The following DDR1 variants were observed in gnomAD, a reference collection of about 807,000 sequenced individuals.
DDR1 encodes discoidin domain receptor tyrosine kinase 1.
DDR1 carries 64 observed loss-of-function variants against 97.4 expected under a neutral mutation model. The ratio of observed to expected loss-of-function variants is 0.66; its 90% CI spans 0.54 to 0.81. DDR1 has a LOEUF of 0.81. DDR1 is among the 30% of genes least tolerant of loss of function. The pLI, the probability that DDR1 is intolerant of heterozygous loss-of-function variation, is 0.00. For synonymous variants in DDR1, 458 were observed against 503.7 expected (o/e 0.91, Z 1.21); for missense variants, 990 against 1,259.6 (o/e 0.79, Z 3.24).
rs1788611714 is a variant in DDR1 at position 30,892,079 on chromosome 6, GGGTCTGGCCA to G, written c.746_755del (p.Val249AlafsTer26). 1 of 1,614,194 alleles carries G rather than the reference GGGTCTGGCCA, an allele frequency of 6.2e-7. No homozygotes were observed. Among genetic ancestry groups the G allele is most frequent in the African/African-American group, 1.3e-5 (1 of 75,050 alleles). On this transcript the variant is annotated frameshift_variant, in exon 7 of 18. Coordinates refer to ENST00000376568, the MANE Select transcript of DDR1 (RefSeq NM_001297654.2). LOFTEE classifies it high-confidence loss of function. ...GACTTTAGGAAGAGTCAGGAGCTGC[GGGTCTGGCCA>G]GGCTATGACTATGTGGGATGGAGCA...
intron 1 of DDR1, among the ~76,000 whole-genome samples, chr6:30,887,365 A>G (rs1369182813): frequency 6.6e-6 from 1 of 152,264 alleles, no homozygotes; most frequent in Non-Finnish European, 1.5e-5. Context: ...GAAAAATAGT[A>G]CAATCAACCT....
chr6:30,898,091 T>C lies in DDR1; in HGVS notation c.2235T>C (p.His745=), dbSNP rs1243319489. ...TTCTCAGCTACCCAATGCTGCTGCA[T>C]GTGGCAGCCCAGATCGCCTCCGGCA... ...GPTISYPMLL[H]VAAQIASGMR... The change falls in exon 16 of 18, where the codon CAT becomes CAC. Residue 745 remains histidine, a synonymous_variant. Coordinates refer to ENST00000376568, the MANE Select transcript of DDR1 (RefSeq NM_001297654.2). The C allele has an allele frequency of 1.2e-6, 2 of 1,614,102 alleles. No individual in the cohort carries two copies. Among genetic ancestry groups the C allele is most frequent in the South Asian group, 2.2e-5 (2 of 91,084 alleles).
intron 1 of DDR1, chr6:30,887,104 CTA>C (rs1786130116): frequency 6.6e-6 from 1 of 152,096 alleles, no homozygotes; most frequent in South Asian, 2.1e-4. Context: ...GCCTAGAGGG[CTA>C]TAGGGGACAG....
At chr6:30,885,924 C>A in intron 1 of DDR1, 1 of 862,548 alleles carries the variant, frequency 1.2e-6, no homozygotes, top group Non-Finnish European at 1.7e-6. Context: ...GGTGGCCTGG[C>A]CCCTGGTTTG....
Position 30,897,261 on chromosome 6 carries a change from A to T in DDR1, c.1998-118A>T. The T allele has an allele frequency of 8.3e-7, 1 of 1,210,246 alleles. No individual in the cohort carries two copies. The highest frequency in any genetic ancestry group is 1.1e-6 in the Non-Finnish European group (1 of 918,450). The allele number at this position is 1,210,246 out of a possible 1,614,324, so 75.0% of individuals were successfully genotyped here. A position where few individuals can be genotyped will look rare whatever the true frequency, so the allele number is the denominator to read the frequency against. ...GTGGCATCTCTGGGAGGGGATTTACATGTACGCTGGGGGTGGGGACGCCTG... is the reference window on the plus strand; with the variant it reads ...GTGGCATCTCTGGGAGGGGATTTACTTGTACGCTGGGGGTGGGGACGCCTG... On this transcript the variant is annotated intron_variant, in intron 14 of 17. Transcript: ENST00000376568. This position sits in a 1 kb window ranked among gnomAD's most constrained non-coding sequence, Gnocchi z 5.2.
chr6:30,892,712 G>A (rs1352732851), intron 8 of DDR1, 170 bp downstream of exon 8: 10 of 816,900 alleles, frequency 1.2e-5, no homozygotes, highest in Non-Finnish European at 1.8e-5. Context: ...TCTGCCTCTT[G>A]TTCTCTGCGT....
Position 30,898,976 on chromosome 6 carries a change from A to G in DDR1, c.2540A>G (p.Gln847Arg), listed in dbSNP as rs771959037. The change falls in exon 17 of 18, where the codon CAG (glutamine) becomes CGG (arginine). Residue 847 changes from glutamine (Q) to arginine (R), a missense_variant. Gln to Arg is a conservative substitution (Grantham distance 43). Transcript: ENST00000376568. ...CTCTGTAGGGCCCAGCCCTTTGGGC[A>G]GCTCACCGACGAGCAGGTCATCGAG... ...LMLCRAQPFG[Q>R]LTDEQVIENA... The G allele has an allele frequency of 1.9e-6, 3 of 1,614,164 alleles. No individual in the cohort carries two copies. The highest frequency in any genetic ancestry group is 2.5e-6 in the Non-Finnish European group (3 of 1,180,020).
At chr6:30,895,169 A>G (rs1790252221) in intron 11 of DDR1, among the ~76,000 whole-genome samples, 2 of 152,016 alleles carry the variant, frequency 1.3e-5, no homozygotes, top group Non-Finnish European at 1.5e-5. Context: ...TCTGTTATCC[A>G]TCCATCCAAC....
Position 30,891,759 on chromosome 6 carries a change from A to G in DDR1, c.666-243A>G, listed in dbSNP as rs932108972. Reference sequence around the variant, plus strand: ...ATAAATATACACATCATAGATTGAAATGGTGCCCCTTAGAGGTGGTGCCTT... The same window carrying G: ...ATAAATATACACATCATAGATTGAAGTGGTGCCCCTTAGAGGTGGTGCCTT... On this transcript the variant is annotated intron_variant, in intron 6 of 17. Transcript: ENST00000376568. This position sits in a 1 kb window ranked among gnomAD's most constrained non-coding sequence, Gnocchi z 5.3. 6.6e-6 allele frequency among the ~76,000 whole-genome samples: 1 copy of G among 152,112 alleles called. No homozygotes were observed. The highest frequency in any genetic ancestry group is 1.5e-5 in the Non-Finnish European group (1 of 68,024).
At chr6:30,892,631 C>T in intron 8 of DDR1, 89 bp downstream of exon 8, 14 of 1,472,296 alleles carry the variant, frequency 9.5e-6, no homozygotes, top group Non-Finnish European at 1.3e-5. Context: ...ATACTCATTC[C>T]TTGCATTATA....
In DDR1 at chr6:30,897,337, C is replaced by T. The variant is rs372337011; in HGVS notation, c.1998-42C>T. On this transcript the variant is annotated intron_variant, in intron 14 of 17. Transcript: ENST00000376568. This position sits in a 1 kb window ranked among gnomAD's most constrained non-coding sequence, Gnocchi z 5.2. ...TGGGGGCGCGGGGGAAGGTGCAGGCCGCCCACTCGGCATTCCTCTTCAGCT... is the reference window on the plus strand; with the variant it reads ...TGGGGGCGCGGGGGAAGGTGCAGGCTGCCCACTCGGCATTCCTCTTCAGCT... 2.0e-5 allele frequency: 32 copies of T among 1,599,352 alleles called. No individual in the cohort carries two copies. Among genetic ancestry groups the T allele is most frequent in the African/African-American group, 6.7e-5 (5 of 74,590 alleles).
chr6:30,892,808 C>G (rs924502932), intron 8 of DDR1: 2 of 585,540 alleles, frequency 3.4e-6, no homozygotes, highest in African/African-American at 3.7e-5. Context: ...TGAAATACTT[C>G]TGTATTAGTT....
intron 16 of DDR1, 151 bp from the exon 17 acceptor site, chr6:30,898,737 G>A (rs949819387): frequency 3.7e-6 from 3 of 803,846 alleles, no homozygotes; most frequent in Non-Finnish European, 2.0e-6. Flanking sequence ...GTTGGAAAAG[G>A]TGGCCAGCGG....
intron 1 of DDR1, chr6:30,885,641 A>G: frequency 1.5e-6 from 2 of 1,349,438 alleles, no homozygotes; most frequent in Non-Finnish European, 1.9e-6. Flanking sequence ...GAAGGTGGCT[A>G]TTCACTGAGC....
rs1482558394 is a variant in DDR1 at position 30,890,432 on chromosome 6, TAGAG to T, written c.418-538_418-535del. On this transcript the variant is annotated intron_variant, in intron 4 of 17. Transcript: ENST00000376568. The surrounding 1 kb of genome is among the most constrained non-coding windows in gnomAD (Gnocchi z 5.0). ...AGTTCTCTGCCAGGTGTCACCTCCT[TAGAG>T]AGCCTTTTCTGGCCACCCACCTCAC... 1 of 152,718 alleles carries T rather than the reference TAGAG, an allele frequency of 6.5e-6. No homozygotes were observed. The highest frequency in any genetic ancestry group is 1.5e-5 in the Non-Finnish European group (1 of 68,500). The allele number at this position is 152,718 out of a possible 1,614,324, so 9.5% of individuals were successfully genotyped here. A position where few individuals can be genotyped will look rare whatever the true frequency, so the allele number is the denominator to read the frequency against.
rs371385997 is a variant in DDR1 at position 30,893,054 on chromosome 6, T to C, written c.1100-14T>C. 1.2e-6 allele frequency: 2 copies of C among 1,606,202 alleles called. No homozygotes were observed. The highest frequency in any genetic ancestry group is 1.3e-5 in the African/African-American group (1 of 74,826). On this transcript the variant is annotated splice_polypyrimidine_tract_variant and intron_variant, in intron 8 of 17. Transcript: ENST00000376568. ...CATTTACCTCCCTCCTTTCTTTTTG[T>C]TCCTTCTCCCCAGATGTGGTGAACA...
At position 30,897,347 on chromosome 6, in the gene DDR1, G is replaced by A. The variant is rs1175420456; in HGVS notation, c.1998-32G>A. On this transcript the variant is annotated intron_variant, in intron 14 of 17. Transcript: ENST00000376568. This position sits in a 1 kb window ranked among gnomAD's most constrained non-coding sequence, Gnocchi z 5.2. ...GGGGAAGGTGCAGGCCGCCCACTCG[G>A]CATTCCTCTTCAGCTTCTCCTTGTT... 1 of 1,610,656 alleles carries A rather than the reference G, an allele frequency of 6.2e-7. No individual in the cohort carries two copies. The highest frequency in any genetic ancestry group is 1.7e-5 in the Admixed American group (1 of 59,786).
intron 16 of DDR1, 114 bp from the exon 17 acceptor site, chr6:30,898,774 A>G: frequency 8.8e-7 from 1 of 1,137,356 alleles, no homozygotes. Flanking sequence ...TGGCGTCAGG[A>G]GGGATCAGGC....
Position 30,897,054 on chromosome 6 carries a change from G to T in DDR1, c.1910G>T (p.Ser637Ile). 1.2e-6 allele frequency: 2 copies of T among 1,613,892 alleles called. No individual in the cohort carries two copies. The highest frequency in any genetic ancestry group is 2.2e-5 in the South Asian group (2 of 91,030). ...GTCGACAGCCCTCAAGATCTGGTTAGTCTTGATTTCCCCCTTAATGTGCGT... is the reference window on the plus strand; with the variant it reads ...GTCGACAGCCCTCAAGATCTGGTTATTCTTGATTTCCCCCTTAATGTGCGT... ...CEVDSPQDLV[S>I]LDFPLNVRKG... is the part of the protein sequence containing the mutation. Residue 637 changes from serine to isoleucine, a missense_variant, in exon 14 of 18, where the codon AGT becomes ATT. Physicochemically the swap from Ser to Ile is moderately radical, Grantham distance 142. Transcript: ENST00000376568. This position sits in a 1 kb window ranked among gnomAD's most constrained non-coding sequence, Gnocchi z 5.2.
Sources: gnomAD v4.1 joint callset for allele counts (sites outside exome capture counted in the v4.1 genomes callset) on GRCh38, gnomAD v4.1.1 for gene constraint, Gnocchi (gnomAD v3.1) non-coding constraint, MANE v1.5 for transcripts, NCBI Gene and HGNC (gene_info 2026-07-23, HGNC 2026-07-21) for gene names.